Variants in RASGRP3 observed in about 807,000 individuals in gnomAD.
RASGRP3 encodes the protein ras guanyl-releasing protein 3.
Under a neutral mutation model 82.7 loss-of-function variants are expected in RASGRP3, and 54 were observed. The ratio of observed to expected loss-of-function variants is 0.65; its 90% confidence interval spans 0.52 to 0.82. RASGRP3 has a LOEUF of 0.82. Ranked by LOEUF, RASGRP3 falls within the 40% of genes least tolerant of loss-of-function variation. The probability of loss-of-function intolerance (pLI) is 0.00; values close to 1 mark genes in which losing one functional copy is unlikely to be tolerated. For missense variants in RASGRP3, 861 were observed against 828.9 expected, an observed-to-expected ratio of 1.04 and a Z score of -0.48; for synonymous variants, 309 against 300.5, an observed-to-expected ratio of 1.03 and a Z score of -0.29.
At chr2:33,438,559 C>T (rs1161236299) in intron 1 of RASGRP3, among the ~76,000 whole-genome samples, 2 of 58,262 alleles carry the variant, frequency 3.4e-5, no homozygotes, top group Non-Finnish European at 6.4e-5. Context: ...GAGACTCCAT[C>T]GCCAAAAAAA....
chr2:33,527,585 C>T (rs967007788), intron 10 of RASGRP3, among the ~76,000 whole-genome samples, 173 bp downstream of exon 10: 2 of 152,154 alleles, frequency 1.3e-5, no homozygotes, highest in Non-Finnish European at 2.9e-5. Context: ...TAATATTTTC[C>T]ATAACCAGCA....
intron 1 of RASGRP3, among the ~76,000 whole-genome samples, chr2:33,492,261 G>A (rs1268195043): frequency 6.6e-6 from 1 of 152,144 alleles, no homozygotes; most frequent in South Asian, 2.1e-4. Context: ...GAAATCCTCT[G>A]GGGCAATTGA....
At chr2:33,444,005 A>G (rs2150875664) in intron 1 of RASGRP3, among the ~76,000 whole-genome samples, 1 of 152,364 alleles carries the variant, frequency 6.6e-6, no homozygotes, top group East Asian at 1.9e-4. Flanking sequence ...ATGAATTTTA[A>G]TATCATAGTT....
Position 33,562,997 on chromosome 2 carries a change from T to C in RASGRP3, c.*260T>C. 2 of 503,888 alleles carry C rather than the reference T, an allele frequency of 4.0e-6. No individual in the cohort carries two copies. The highest frequency in any genetic ancestry group is 3.2e-5 in the South Asian group (1 of 31,542). The allele number at this position is 503,888 out of a possible 1,614,324, so 31.2% of individuals were successfully genotyped here. On this transcript the variant is annotated 3_prime_UTR_variant, in exon 18 of 18. Transcript: ENST00000403687. ...GACTGTGTTATGTAGTCAGTACTTT[T>C]TTCTCATGTATCTTTCTCTAGACCA...
intron 13 of RASGRP3, among the ~76,000 whole-genome samples, chr2:33,549,027 T>C (rs576417660): frequency 6.6e-6 from 1 of 152,124 alleles, no homozygotes; most frequent in Admixed American, 6.6e-5. Context: ...TCAGCGTATG[T>C]GGTGAGTAGG....
intron 11 of RASGRP3, 29 bp downstream of exon 11, chr2:33,534,429 G>A (rs1290278284): frequency 1.4e-6 from 2 of 1,433,654 alleles, no homozygotes; most frequent in Non-Finnish European, 1.9e-6. Context: ...CCAAGGATCA[G>A]TACCAATCAC....
At position 33,485,551 on chromosome 2, in the gene RASGRP3, T is replaced by C. The variant is rs911494308; in HGVS notation, c.-261+8844T>C. Among the ~76,000 whole-genome samples, 3 of 152,344 alleles carry C rather than the reference T, an allele frequency of 2.0e-5. 1 individual carries two copies. In the South Asian group the frequency reaches 6.2e-4, roughly 32 times the overall value. ...ACAGGTATGAAAAAGATCTTGACTG[T>C]TGGACTAGCTGATTAACTAGCAGTG... On this transcript the variant is annotated intron_variant, in intron 1 of 17. Coordinates refer to ENST00000403687, the MANE Select transcript of RASGRP3 (RefSeq NM_001139488.2).
intron 11 of RASGRP3, among the ~76,000 whole-genome samples, chr2:33,538,686 CA>C (rs1380695779): frequency 1.3e-5 from 2 of 151,990 alleles, no homozygotes; most frequent in African/African-American, 4.8e-5. Context: ...TATGAATATA[CA>C]AAACTTATTC....
intron 2 of RASGRP3, among the ~76,000 whole-genome samples, chr2:33,457,086 G>T (rs966842569): frequency 3.0e-4 from 46 of 151,894 alleles, no homozygotes; most frequent in African/African-American, 1.1e-3. Context: ...GACCAGGCTG[G>T]TCTCAAACTC....
At chr2:33,483,467 G>C (rs1301178246) in intron 1 of RASGRP3, among the ~76,000 whole-genome samples, 1 of 150,200 alleles carries the variant, frequency 6.7e-6, no homozygotes, top group Non-Finnish European at 1.5e-5. Flanking sequence ...TCTAATCCCA[G>C]AGGCATGTTT....
At chr2:33,520,452 C>A in intron 5 of RASGRP3, 101 bp from the exon 6 acceptor site, 1 of 1,462,742 alleles carries the variant, frequency 6.8e-7, no homozygotes, top group Non-Finnish European at 9.4e-7. Flanking sequence ...CTGGATGGTC[C>A]TGGACTTGGT....
In RASGRP3 at chr2:33,563,897, A is replaced by C. The variant is rs1676964906; in HGVS notation, c.*1160A>C. The stretch of plus-strand genomic sequence containing the variant: ...ATGGGTCTATTTCTTCCATGATTAG[A>C]GGAGAGAGAACTTGATTCAAGATAC... On this transcript the variant is annotated 3_prime_UTR_variant, in exon 18 of 18. Coordinates refer to ENST00000403687, the MANE Select transcript of RASGRP3 (RefSeq NM_001139488.2). 1 of 152,148 alleles carries C rather than the reference A, an allele frequency of 6.6e-6. No individual in the cohort carries two copies. Among genetic ancestry groups the C allele is most frequent in the Admixed American group, 6.5e-5 (1 of 15,272 alleles). The allele number at this position is 152,148 out of a possible 1,614,324, so 9.4% of individuals were successfully genotyped here.
rs1558501598 is a variant in RASGRP3, at chr2:33,537,322, C to CACCA, written c.1162-1772_1162-1771insACCA. On this transcript the variant is annotated intron_variant, in intron 11 of 17. Transcript: ENST00000403687. The stretch of plus-strand genomic sequence containing the variant: ...CTCTAAAATACACACACACACACAC[C>CACCA]GCCCCCCCCACACACACACACAAGT... Among the ~76,000 whole-genome samples, 24 of 21,794 alleles carry CACCA rather than the reference C, an allele frequency of 1.1e-3. 1 individual carries two copies. In the South Asian group the frequency reaches 0.021, roughly 19 times the overall value. The allele number at this position is 21,794 out of a possible 152,430, so 14.3% of individuals were successfully genotyped here.
intron 1 of RASGRP3, among the ~76,000 whole-genome samples, chr2:33,479,370 C>T (rs1667671064): frequency 6.6e-6 from 1 of 152,090 alleles, no homozygotes; most frequent in Admixed American, 6.5e-5. Flanking sequence ...CTGGCCTTTC[C>T]CTCCAGTTTT....
intron 2 of RASGRP3, among the ~76,000 whole-genome samples, chr2:33,463,070 C>T (rs561140007): frequency 6.4e-4 from 98 of 152,194 alleles, no homozygotes; most frequent in African/African-American, 2.0e-3. Flanking sequence ...CACTCATCTG[C>T]GTTTATAGGA....
At chr2:33,523,188 T>G (rs1266370588) in intron 7 of RASGRP3, among the ~76,000 whole-genome samples, 5 of 152,144 alleles carry the variant, frequency 3.3e-5, no homozygotes, top group Non-Finnish European at 1.5e-5. Context: ...AAATGGAGAT[T>G]CTTGGCCGGG....
intron 2 of RASGRP3, among the ~76,000 whole-genome samples, chr2:33,449,487 C>T (rs1280312451): frequency 2.0e-5 from 3 of 152,182 alleles, no homozygotes; most frequent in African/African-American, 4.8e-5. Context: ...TTAGGCCGGG[C>T]GCGGTGGCTC....
chr2:33,490,883 T>C (rs561994067), intron 1 of RASGRP3, among the ~76,000 whole-genome samples: 47 of 152,346 alleles, frequency 3.1e-4, no homozygotes, highest in Non-Finnish European at 6.0e-4. Context: ...CCTGGCATAA[T>C]GTCTGGAAGG....
At chr2:33,505,115 C>T (rs2150987711) in intron 1 of RASGRP3, among the ~76,000 whole-genome samples, 2 of 151,768 alleles carry the variant, frequency 1.3e-5, no homozygotes, top group South Asian at 4.2e-4. Flanking sequence ...TCCTCCTCTT[C>T]CTCCTCCTCC....
Sources: allele counts gnomAD v4.1 joint callset (sites outside exome capture counted in the v4.1 genomes callset), GRCh38; gene constraint gnomAD v4.1.1; transcripts MANE v1.5; gene names NCBI Gene and HGNC (gene_info 2026-07-23, HGNC 2026-07-21).